The following IGSF10 variants were observed in gnomAD, a reference collection of about 807,000 sequenced individuals.
IGSF10 encodes the protein calvaria mechanical force protein 608.
IGSF10 carries 126 observed loss-of-function variants against 128.2 expected under a neutral mutation model. The observed-to-expected ratio is 0.98, with a 90% CI of 0.85 to 1.14. The LOEUF (loss-of-function observed/expected upper bound fraction) is 1.14. IGSF10 is among the 50% of genes most tolerant of loss of function. The pLI is 0.00. For missense variants in IGSF10, 3,295 were observed against 3,149.8 expected, an observed-to-expected ratio of 1.05 and a Z score of -1.10; for synonymous variants, 1,185 against 1,146.2, an observed-to-expected ratio of 1.03 and a Z score of -0.68.
chr3:151,451,096 C>T (rs1408498469), intron 5 of IGSF10, among the ~76,000 whole-genome samples: 1 of 152,074 alleles, frequency 6.6e-6, no homozygotes, highest in Admixed American at 6.6e-5. Context: ...AGGCCTTGGA[C>T]ATCAGGTATT....
At position 151,445,036 on chromosome 3, in the gene IGSF10, T is replaced by C. The variant is rs972401341; in HGVS notation, c.4945A>G (p.Arg1649Gly). The part of the protein sequence containing the change: ...SLSRYIFEKP[R>G]IVGGKAASFT... ...CTTGCAGCTTTTCCTCCAACTATCC[T>C]GGGCTTTTCAAATATATACCTAGAC... The change falls in exon 6 of 8, where the codon AGG becomes GGG. Residue 1649 changes from arginine to glycine, a missense_variant. Coordinates refer to ENST00000282466, the MANE Select transcript of IGSF10 (RefSeq NM_178822.5). 1 of 1,614,234 alleles carries C rather than the reference T, an allele frequency of 6.2e-7. No homozygotes were observed. Among genetic ancestry groups the C allele is most frequent in the Non-Finnish European group, 8.5e-7 (1 of 1,180,026 alleles).
In IGSF10 at chr3:151,437,374, A is replaced by G. The variant is rs938496486; in HGVS notation, c.7187T>C (p.Phe2396Ser). Reference sequence around the variant, plus strand: ...CTCCCGAGTTGTTTTAGAAATGATAAAAGAACCATTGCTTGCTATCAGATA... The same window carrying G: ...CTCCCGAGTTGTTTTAGAAATGATAGAAGAACCATTGCTTGCTATCAGATA... The part of the protein sequence containing the change: ...YQYLIASNGS[F>S]IISKTTREDA... Residue 2396 changes from phenylalanine (F) to serine (S), a missense_variant, in exon 8 of 8, where the codon TTT becomes TCT. Phe to Ser is a radical substitution (Grantham distance 155, BLOSUM62 -2). Transcript: ENST00000282466. 13 of 1,614,094 alleles carry G rather than the reference A, an allele frequency of 8.1e-6. No individual in the cohort carries two copies. The South Asian group carries it at 8.8e-5, about 11-fold the overall frequency.
chr3:151,618,132 G>A, the IGSF10 span, among the ~76,000 whole-genome samples: 1 of 152,136 alleles, frequency 6.6e-6, no homozygotes, highest in African/African-American at 2.4e-5. Context: ...TGGGATCAGT[G>A]ACCTTGTAAG....
the IGSF10 span, among the ~76,000 whole-genome samples, chr3:151,555,412 T>C: frequency 2.6e-5 from 4 of 152,080 alleles, no homozygotes; most frequent in Non-Finnish European, 4.4e-5. Context: ...CTATTTATCA[T>C]CTTCATCTAG....
chr3:151,528,413 A>G, the IGSF10 span, among the ~76,000 whole-genome samples: 1 of 152,252 alleles, frequency 6.6e-6, no homozygotes, highest in Non-Finnish European at 1.5e-5. Flanking sequence ...ACTTGCTGGC[A>G]TGATGGCAGA....
the IGSF10 span, among the ~76,000 whole-genome samples, chr3:151,470,403 CAATT>C: frequency 1.3e-5 from 2 of 152,176 alleles, no homozygotes; most frequent in African/African-American, 2.4e-5. Context: ...AACCAAAAGA[CAATT>C]AAGAAGTTTT....
the IGSF10 span, among the ~76,000 whole-genome samples, chr3:151,470,754 G>T: frequency 6.6e-6 from 1 of 152,188 alleles, no homozygotes; most frequent in Non-Finnish European, 1.5e-5. Context: ...AAAAGCAGCA[G>T]CAGCAGTGGC....
intron 5 of IGSF10, among the ~76,000 whole-genome samples, chr3:151,451,986 G>T (rs976994439): frequency 2.6e-5 from 4 of 152,312 alleles, no homozygotes; most frequent in Middle Eastern, 3.4e-3. Flanking sequence ...ACTGAGATCA[G>T]TGCAAAAGGA....
chr3:151,535,248 T>A, the IGSF10 span, among the ~76,000 whole-genome samples: 875 of 152,306 alleles, frequency 5.7e-3, 8 homozygotes, highest in African/African-American at 0.02. Context: ...TTGAGGATAT[T>A]TGGCTGTAAT....
chr3:151,449,724 C>A (rs1405352367), intron 5 of IGSF10, among the ~76,000 whole-genome samples: 2 of 152,074 alleles, frequency 1.3e-5, no homozygotes, highest in Non-Finnish European at 2.9e-5. Flanking sequence ...ATTTATAATT[C>A]CTTGGGTATC....
At chr3:151,566,806 A>T in the IGSF10 span, among the ~76,000 whole-genome samples, 1 of 152,202 alleles carries the variant, frequency 6.6e-6, no homozygotes, top group Admixed American at 6.5e-5. Flanking sequence ...AATTTTTAGC[A>T]ATTTCTTCAA....
chr3:151,518,668 G>T, the IGSF10 span, among the ~76,000 whole-genome samples: 1 of 151,578 alleles, frequency 6.6e-6, no homozygotes, highest in African/African-American at 2.4e-5. Flanking sequence ...GACTTTATCT[G>T]CATGTTGTTT....
the IGSF10 span, among the ~76,000 whole-genome samples, chr3:151,569,282 G>C: frequency 2.0e-5 from 3 of 152,162 alleles, no homozygotes; most frequent in African/African-American, 7.2e-5. Context: ...ATGTTGGCCA[G>C]GCTGGTCTTG....
At chr3:151,535,727 A>T in the IGSF10 span, among the ~76,000 whole-genome samples, 1 of 152,172 alleles carries the variant, frequency 6.6e-6, no homozygotes, top group Non-Finnish European at 1.5e-5. Flanking sequence ...TTTCAATTCT[A>T]ATTATTTGCT....
rs764629152 is a variant in IGSF10, at chr3:151,445,061, C to A, written c.4920G>T (p.Leu1640Phe). The change falls in exon 6 of 8, where the codon TTG becomes TTT. Residue 1640 changes from leucine (L) to phenylalanine (F), a missense_variant. Transcript: ENST00000282466. ...TGGGCTTTTCAAATATATACCTAGA[C>A]AAAGAGTCAAAGGGAAGGAGTTTGG... ...TTSKLLPFDS[L>F]SRYIFEKPRI... The A allele has an allele frequency of 6.2e-7, 1 of 1,614,182 alleles. No homozygotes were observed. The highest frequency in any genetic ancestry group is 1.7e-5 in the Admixed American group (1 of 60,030).
At position 151,448,095 on chromosome 3, in the gene IGSF10, G is replaced by A. The variant is rs1291139373; in HGVS notation, c.1886C>T (p.Thr629Ile). ...SRDKKVLNNG[T>I]LRILQVTPKD... Reference sequence around the variant, plus strand: ...CGGGGTGACCTGTAATATTCTTAATGTGCCATTGTTTAGAACTTTCTTGTC... The same window carrying A: ...CGGGGTGACCTGTAATATTCTTAATATGCCATTGTTTAGAACTTTCTTGTC... Residue 629 changes from threonine to isoleucine, a missense_variant, in exon 6 of 8, where the codon ACA becomes ATA. Transcript: ENST00000282466. The A allele has an allele frequency of 1.9e-6, 3 of 1,614,150 alleles. No individual in the cohort carries two copies. The highest frequency in any genetic ancestry group is 2.7e-5 in the African/African-American group (2 of 75,030).
chr3:151,442,618 AC>A (rs1343456956), intron 7 of IGSF10, among the ~76,000 whole-genome samples: 1 of 147,958 alleles, frequency 6.8e-6, no homozygotes, highest in Non-Finnish European at 1.5e-5. Context: ...TGAACTCCTG[AC>A]CTCAGGTGAT....
At chr3:151,516,594 A>C in the IGSF10 span, among the ~76,000 whole-genome samples, 1 of 151,942 alleles carries the variant, frequency 6.6e-6, no homozygotes. Flanking sequence ...CTTAACCTAC[A>C]TCATGGGTTG....
chr3:151,434,562 A>G (rs527457871), downstream of IGSF10: 101 of 152,364 alleles, frequency 6.6e-4, no homozygotes, highest in Non-Finnish European at 1.2e-3. Flanking sequence ...CTGGTTTTGT[A>G]TATCAGATTT....
Sources: allele counts gnomAD v4.1 joint callset (sites outside exome capture counted in the v4.1 genomes callset), GRCh38; gene constraint gnomAD v4.1.1; transcripts MANE v1.5; gene names NCBI Gene and HGNC (gene_info 2026-07-23, HGNC 2026-07-21).